The following PDE4D variants were observed in gnomAD, a reference collection of about 807,000 sequenced individuals.
PDE4D encodes the protein 3',5'-cyclic-AMP phosphodiesterase 4D.
Under a neutral mutation model 87.4 loss-of-function variants are expected in PDE4D, and 24 were observed. The ratio of observed to expected loss-of-function variants is 0.27; its 90% CI spans 0.20 to 0.39. The LOEUF (loss-of-function observed/expected upper bound fraction) is 0.39, where lower values mean the gene tolerates loss of function less well. Ranked by LOEUF, PDE4D falls within the 10% of genes least tolerant of loss-of-function variation. The pLI is 1.00. For missense variants in PDE4D, 714 were observed against 1,041.0 expected, an observed-to-expected ratio of 0.69 and a Z score of 4.32; for synonymous variants, 384 against 383.2, an observed-to-expected ratio of 1.00 and a Z score of -0.02.
chr5:59,606,428 T>C (rs553149044), intron 1 of PDE4D, among the ~76,000 whole-genome samples: 3 of 152,236 alleles, frequency 2.0e-5, no homozygotes, highest in South Asian at 2.1e-4. Context: ...ACAAGTTATT[T>C]CCTTTAATAC....
intron 1 of PDE4D, among the ~76,000 whole-genome samples, chr5:59,883,294 A>C (rs958760536): frequency 2.6e-5 from 4 of 152,218 alleles, no homozygotes; most frequent in Admixed American, 2.0e-4. Flanking sequence ...TACAGCATCC[A>C]AATCAAATTC....
At chr5:60,393,848 A>G (rs1762712543) in intron 1 of PDE4D, among the ~76,000 whole-genome samples, 1 of 152,234 alleles carries the variant, frequency 6.6e-6, no homozygotes, top group East Asian at 1.9e-4. Flanking sequence ...CTGGTGTGGA[A>G]GAAAATAGTT....
At chr5:59,133,794 C>A (rs1436106754) in intron 5 of PDE4D, among the ~76,000 whole-genome samples, 1 of 152,164 alleles carries the variant, frequency 6.6e-6, no homozygotes, top group African/African-American at 2.4e-5. Context: ...CATCCAGCTA[C>A]ACGTGAGATG....
In PDE4D at chr5:59,720,375, C is replaced by A. The variant is rs149842703; in HGVS notation, c.455+172793G>T. Reference sequence around the variant, plus strand: ...CCCAGGCCTGTCTTGAACTCCTGGACTCAAGTGATCTTCCTGCCTTAGCTT... The same window carrying A: ...CCCAGGCCTGTCTTGAACTCCTGGAATCAAGTGATCTTCCTGCCTTAGCTT... On this transcript the variant is annotated intron_variant, in intron 1 of 14. Transcript: ENST00000340635. 9.9e-3 allele frequency among the ~76,000 whole-genome samples: 1,504 copies of A among 152,230 alleles called. 81 individuals are homozygous for A. The highest frequency in any genetic ancestry group is 0.088 in the Admixed American group (1,343 of 15,274).
chr5:59,464,017 C>T (rs1206962735), intron 1 of PDE4D, among the ~76,000 whole-genome samples: 7 of 152,194 alleles, frequency 4.6e-5, no homozygotes, highest in Non-Finnish European at 7.3e-5. Flanking sequence ...TGCTTGAAGG[C>T]AGCATGCTCC....
At chr5:59,637,589 A>G (rs1832412196) in intron 1 of PDE4D, among the ~76,000 whole-genome samples, 1 of 152,060 alleles carries the variant, frequency 6.6e-6, no homozygotes, top group Non-Finnish European at 1.5e-5. Context: ...AAATGAGTTC[A>G]TGTCCTTTGC....
At chr5:59,688,970 A>G (rs1292739345) in intron 1 of PDE4D, among the ~76,000 whole-genome samples, 2 of 152,236 alleles carry the variant, frequency 1.3e-5, no homozygotes, top group Non-Finnish European at 1.5e-5. Flanking sequence ...GAAAATCTAG[A>G]AGAAATGGAT....
intron 6 of PDE4D, among the ~76,000 whole-genome samples, chr5:59,000,824 G>C (rs1210823967): frequency 6.6e-6 from 1 of 151,994 alleles, no homozygotes; most frequent in Non-Finnish European, 1.5e-5. Context: ...GAGAAGCTGG[G>C]ATTACAGGCG....
intron 3 of PDE4D, among the ~76,000 whole-genome samples, chr5:59,938,159 T>A (rs1318903819): frequency 6.6e-6 from 1 of 152,186 alleles, no homozygotes; most frequent in Non-Finnish European, 1.5e-5. Context: ...TAGGGACAGA[T>A]TTATTAAATA....
chr5:60,105,619 T>C lies in PDE4D; in HGVS notation c.42+79938A>G, dbSNP rs372737156. Among the ~76,000 whole-genome samples the C allele has an allele frequency of 3.1e-3, 469 of 151,398 alleles. 2 individuals carry two copies. Among genetic ancestry groups the C allele is most frequent in the African/African-American group, 0.011 (431 of 40,718 alleles). The stretch of plus-strand genomic sequence containing the variant: ...GTTAAGGGCAGCCAGAGAGAAAGGT[T>C]GGGTTACCTACAAAGGGAAGCCCAT... On this transcript the variant is annotated intron_variant, in intron 2 of 16. Coordinates refer to the PDE4D transcript ENST00000502484.
At chr5:59,203,119 G>A (rs1340577282) in intron 2 of PDE4D, among the ~76,000 whole-genome samples, 1 of 152,112 alleles carries the variant, frequency 6.6e-6, no homozygotes, top group East Asian at 1.9e-4. Flanking sequence ...TGAGGTAGCA[G>A]GATAGCTTAA....
intron 1 of PDE4D, among the ~76,000 whole-genome samples, chr5:59,667,270 T>G (rs906725670): frequency 5.3e-5 from 8 of 152,108 alleles, no homozygotes; most frequent in Middle Eastern, 3.2e-3. Context: ...TTATTTTTAT[T>G]GTGTTGTGTT....
chr5:60,066,837 T>G (rs565959757), intron 2 of PDE4D, among the ~76,000 whole-genome samples: 1 of 152,224 alleles, frequency 6.6e-6, no homozygotes, highest in Admixed American at 6.5e-5. Context: ...TGTTGTGCTT[T>G]TATCTATTCA....
intron 3 of PDE4D, chr5:59,988,234 C>T (rs1762638301): frequency 2.7e-6 from 1 of 370,566 alleles, no homozygotes; most frequent in African/African-American, 2.0e-5. Flanking sequence ...CCAAGTACAA[C>T]TGCCCTTTGG....
intron 2 of PDE4D, chr5:60,021,173 C>T (rs1439904423): frequency 1.3e-5 from 2 of 152,152 alleles, no homozygotes; most frequent in Admixed American, 6.5e-5. Context: ...CCCTCCTACA[C>T]AAAACCTCAT....
intron 1 of PDE4D, among the ~76,000 whole-genome samples, chr5:59,395,984 A>G (rs1324390869): frequency 1.7e-5 from 2 of 120,452 alleles, no homozygotes; most frequent in Admixed American, 8.1e-5. Context: ...GGGTATCAGC[A>G]ATGGAAGATG....
chr5:60,103,137 TAGA>T (rs1776416972), intron 2 of PDE4D, among the ~76,000 whole-genome samples: 1 of 152,188 alleles, frequency 6.6e-6, no homozygotes, highest in South Asian at 2.1e-4. Flanking sequence ...CTACAGCTCC[TAGA>T]AGAACAATTC....
At chr5:59,808,075 C>G (rs1217125867) in intron 1 of PDE4D, among the ~76,000 whole-genome samples, 1 of 152,178 alleles carries the variant, frequency 6.6e-6, no homozygotes, top group Non-Finnish European at 1.5e-5. Context: ...TTGAATAACT[C>G]ATTTGTAAAA....
chr5:60,157,986 T>C (rs1349809296), intron 2 of PDE4D, among the ~76,000 whole-genome samples: 1 of 151,834 alleles, frequency 6.6e-6, no homozygotes, highest in Non-Finnish European at 1.5e-5. Context: ...GGTATGCTTG[T>C]GATAGAATAT....
Sources: allele counts gnomAD v4.1 joint callset (sites outside exome capture counted in the v4.1 genomes callset), GRCh38; gene constraint gnomAD v4.1.1; transcripts MANE v1.5; gene names NCBI Gene and HGNC (gene_info 2026-07-23, HGNC 2026-07-21).